ZFYVE26: variants seen among roughly 807,000 people sequenced by gnomAD.
ZFYVE26 encodes the protein zinc finger FYVE-type containing 26, also known as zinc finger FYVE domain-containing protein 26.
Under a neutral mutation model 276.5 loss-of-function variants are expected in ZFYVE26, and 181 were observed. The ratio of observed to expected loss-of-function variants is 0.65; its 90% CI spans 0.58 to 0.74. ZFYVE26 has a LOEUF of 0.74. Ranked by LOEUF, ZFYVE26 falls within the 30% of genes least tolerant of loss-of-function variation. The pLI is 0.00. For missense variants in ZFYVE26, 2,821 were observed against 3,097.9 expected (o/e 0.91, Z 2.12); for synonymous variants, 1,129 against 1,203.1 (o/e 0.94, Z 1.27).
rs143078443 is a variant in ZFYVE26 at position 67,769,720 on chromosome 14, C to T, written c.5495G>A (p.Arg1832His). ...CREHFTMFNR[R>H]HHCRRCGRLV... ...CCGGCCACAGCGGCGACAATGATGA[C>T]GCCTGTTAAACTGAGGAATGCCATC... Residue 1832 changes from arginine (R) to histidine (H), a missense_variant, in exon 29 of 42, where the codon CGT becomes CAT. Arg to His is a conservative substitution (Grantham distance 29). Coordinates refer to ENST00000347230, the MANE Select transcript of ZFYVE26 (RefSeq NM_015346.4). The T allele has an allele frequency of 1.8e-5, 29 of 1,613,996 alleles. No homozygotes were observed. Among genetic ancestry groups the T allele is most frequent in the African/African-American group, 1.3e-4 (10 of 75,008 alleles).
rs2038708409 is a variant in ZFYVE26, at chr14:67,753,779, G to A, written c.7129-13C>T. On this transcript the variant is annotated splice_polypyrimidine_tract_variant and intron_variant, in intron 38 of 41. Transcript: ENST00000347230. The stretch of plus-strand genomic sequence containing the variant: ...CTCCCAGCATGACCTGAAAAGGAAA[G>A]GGAATCATGCTTAAAAACATGGCAA... 1 of 1,605,822 alleles carries A rather than the reference G, an allele frequency of 6.2e-7. No homozygotes were observed.
rs2039055582 is a variant in ZFYVE26 at position 67,766,270 on chromosome 14, A to C, written c.5968T>G (p.Phe1990Val). Residue 1990 changes from phenylalanine (F) to valine (V), a missense_variant, in exon 32 of 42, where the codon TTC becomes GTC. Coordinates refer to ENST00000347230, the MANE Select transcript of ZFYVE26 (RefSeq NM_015346.4). ...TCTTGGCTCTGGCCGGCTTTGACGA[A>C]CATCATCTTGGCGCTGAACAGCAGC... ...KQLLFSAKMM[F>V]VKAGQSQDLA... The C allele has an allele frequency of 6.2e-7, 1 of 1,613,936 alleles. No homozygotes were observed. Among genetic ancestry groups the C allele is most frequent in the Admixed American group, 1.7e-5 (1 of 60,004 alleles).
downstream of ZFYVE26, among the ~76,000 whole-genome samples, chr14:67,743,398 G>A (rs2038442039): frequency 6.6e-6 from 1 of 152,034 alleles, no homozygotes; most frequent in Non-Finnish European, 1.5e-5. Flanking sequence ...GGCTGAGGTG[G>A]GAGGATGGCT....
chr14:67,782,870 G>A lies in ZFYVE26; in HGVS notation c.4282C>T (p.Arg1428Trp), dbSNP rs373098930. The A allele has an allele frequency of 1.7e-5, 27 of 1,614,080 alleles. No homozygotes were observed. Among genetic ancestry groups the A allele is most frequent in the South Asian group, 9.9e-5 (9 of 91,092 alleles). Residue 1428 changes from arginine to tryptophan, a missense_variant, in exon 21 of 42, where the codon CGG becomes TGG. Transcript: ENST00000347230. ...EESLVARDWS[R>W]ALQLTEVYGR... Reference sequence around the variant, plus strand: ...TACACTTCAGTGAGCTGAAGGGCCCGGGACCAATCTCTGGCCACCAAGGAT... The same window carrying A: ...TACACTTCAGTGAGCTGAAGGGCCCAGGACCAATCTCTGGCCACCAAGGAT...
chr14:67,799,060 C>A (rs2040026085), intron 10 of ZFYVE26: 3 of 1,186,468 alleles, frequency 2.5e-6, no homozygotes, highest in Non-Finnish European at 2.5e-6. Context: ...GAGCAGTGTA[C>A]GATGAGCAGG....
At position 67,798,157 on chromosome 14, in the gene ZFYVE26, C is replaced by T. The variant is rs201339450; in HGVS notation, c.2105G>A (p.Arg702His). The T allele has an allele frequency of 1.0e-3, 1,623 of 1,614,002 alleles. 24 individuals are homozygous for T. In the South Asian group the frequency reaches 0.016, roughly 16 times the overall value. The change falls in exon 11 of 42, where the codon CGC becomes CAC. Residue 702 changes from arginine to histidine, a missense_variant. Transcript: ENST00000347230. ...LQEQLDEISS[R>H]SPPEKPKQES... ...TTGCTTTGGCTTCTCAGGAGGGCTG[C>T]GGCTACTGATCTCATCCAGTTGCTC...
rs976753254 is a variant in ZFYVE26 at position 67,772,386 on chromosome 14, T to A, written c.5321-176A>T. The stretch of plus-strand genomic sequence containing the variant: ...GAGAGACAACTGAACATTGTGTGCC[T>A]CCTGATGGATGTGTACACCACCTGC... On this transcript the variant is annotated intron_variant, in intron 27 of 41. Transcript: ENST00000347230. 2.0e-5 allele frequency among the ~76,000 whole-genome samples: 3 copies of A among 152,254 alleles called. No individual in the cohort carries two copies. The South Asian group carries it at 6.2e-4, about 31-fold the overall frequency.
chr14:67,745,951 A>G (rs937757734), downstream of ZFYVE26, among the ~76,000 whole-genome samples: 137 of 148,370 alleles, frequency 9.2e-4, 4 homozygotes, highest in East Asian at 0.017. Context: ...AAAAAAAAAA[A>G]AAAAAAAAAA....
intron 23 of ZFYVE26, 118 bp downstream of exon 23, chr14:67,780,123 G>A (rs2039457444): frequency 1.0e-6 from 1 of 985,676 alleles, no homozygotes; most frequent in Non-Finnish European, 1.6e-6. Flanking sequence ...CCAGAATGTG[G>A]TATAGTTATT....
At chr14:67,735,339 A>G (rs1189497847) in intron 13 of ZFYVE26, 2 of 773,806 alleles carry the variant, frequency 2.6e-6, no homozygotes, top group Non-Finnish European at 4.8e-6. Flanking sequence ...AGGACCATCT[A>G]GTCTGCTCAG....
chr14:67,754,231 C>T lies in ZFYVE26; in HGVS notation c.6987-19G>A. 1.9e-6 allele frequency: 3 copies of T among 1,614,076 alleles called. No individual in the cohort carries two copies. Among genetic ancestry groups the T allele is most frequent in the Middle Eastern group, 1.7e-4 (1 of 5,978 alleles). ...CATGTGCCTGTGGTGACAGAATATG[C>T]ACAGTCCAGCCTCATGAGGGGCCCC... On this transcript the variant is annotated intron_variant, in intron 37 of 41. Coordinates refer to ENST00000347230, the MANE Select transcript of ZFYVE26 (RefSeq NM_015346.4).
intron 18 of ZFYVE26, 69 bp from the exon 19 acceptor site, chr14:67,785,346 G>T (rs1156365790): frequency 3.6e-6 from 5 of 1,404,214 alleles, no homozygotes; most frequent in Non-Finnish European, 4.9e-6. Context: ...GTCAATTTCT[G>T]ACTGGATATG....
intron 18 of ZFYVE26, 114 bp downstream of exon 18, chr14:67,785,744 T>G: frequency 7.0e-7 from 1 of 1,425,616 alleles, no homozygotes; most frequent in East Asian, 2.3e-5. Flanking sequence ...ACTAAAGGGC[T>G]GATAGATCCC....
intron 10 of ZFYVE26, chr14:67,799,583 T>A (rs1270766150): frequency 6.7e-7 from 1 of 1,495,268 alleles, no homozygotes; most frequent in East Asian, 2.3e-5. Context: ...AGGGAAAAAA[T>A]CTGCTCTCAA....
intron 3 of ZFYVE26, 57 bp downstream of exon 3, chr14:67,813,929 C>T (rs2040349120): frequency 1.6e-6 from 2 of 1,247,532 alleles, no homozygotes; most frequent in Non-Finnish European, 1.2e-6. Flanking sequence ...CCCACAACTA[C>T]TTTCAAGTTC....
At position 67,789,423 on chromosome 14, in the gene ZFYVE26, T is replaced by C; in HGVS notation, c.2931A>G (p.Leu977=). ...TCCAGAGCTGGCACTGAGAGCAAGCTAGGTCAAATGCAGCCATGGCAGGGG... is the reference window on the plus strand; with the variant it reads ...TCCAGAGCTGGCACTGAGAGCAAGCCAGGTCAAATGCAGCCATGGCAGGGG... ...LSPPAMAAFD[L]ACSQCQLWKT... Residue 977 remains leucine, a synonymous_variant, in exon 16 of 42, where the codon CTA becomes CTG. Transcript: ENST00000347230. 1 of 1,614,160 alleles carries C rather than the reference T, an allele frequency of 6.2e-7. No homozygotes were observed. Among genetic ancestry groups the C allele is most frequent in the Non-Finnish European group, 8.5e-7 (1 of 1,180,008 alleles).
Position 67,748,253 on chromosome 14 carries a change from A to G in ZFYVE26, c.*183T>C. On this transcript the variant is annotated 3_prime_UTR_variant, in exon 42 of 42. Transcript: ENST00000347230. ...ATAGATTCCACAATTTTAGAGAAAC[A>G]TGGCACTTGCGTGAAAGGTCCTATC... 1.5e-6 allele frequency: 1 copy of G among 647,888 alleles called. No individual in the cohort carries two copies. 40.1% of individuals were successfully genotyped at this position (647,888 alleles called of 1,614,324 possible).
At chr14:67,806,723 T>G in intron 5 of ZFYVE26, 48 bp from the exon 6 acceptor site, 3 of 1,611,398 alleles carry the variant, frequency 1.9e-6, no homozygotes, top group African/African-American at 1.3e-5. Flanking sequence ...ACTCTTCTTT[T>G]CTAAGCTAGA....
chr14:67,732,536 C>A (rs370388266), intron 13 of ZFYVE26, among the ~76,000 whole-genome samples: 336 of 129,764 alleles, frequency 2.6e-3, no homozygotes, highest in South Asian at 4.9e-3. Flanking sequence ...CCAAACAAAG[C>A]AAAAAAAAAA....
Sources: gnomAD v4.1 joint callset for allele counts (sites outside exome capture counted in the v4.1 genomes callset) on GRCh38, gnomAD v4.1.1 for gene constraint, MANE v1.5 for transcripts, NCBI Gene and HGNC (gene_info 2026-07-23, HGNC 2026-07-21) for gene names.